SCAPER: variants seen among roughly 807,000 people sequenced by gnomAD.
SCAPER encodes the protein S-phase cyclin A associated protein in the ER.
A neutral mutation model predicts 182.2 loss-of-function variants in SCAPER; 98 were observed. That is an observed-to-expected ratio of 0.54 (90% CI 0.46 to 0.64). The LOEUF is 0.64. Ranked by LOEUF, SCAPER falls within the 30% of genes least tolerant of loss-of-function variation. The probability of loss-of-function intolerance (pLI) is 0.00; values close to 1 mark genes in which losing one functional copy is unlikely to be tolerated. For synonymous variants in SCAPER, 605 were observed against 564.6 expected, an observed-to-expected ratio of 1.07 and a Z score of -1.01; for missense variants, 1,432 against 1,690.0, an observed-to-expected ratio of 0.85 and a Z score of 2.68.
chr15:76,653,908 C>T (rs953491344), intron 21 of SCAPER, among the ~76,000 whole-genome samples: 9 of 152,054 alleles, frequency 5.9e-5, no homozygotes, highest in Middle Eastern at 6.8e-3. Flanking sequence ...AACTATCAGC[C>T]GAGCAAAGAG....
intron 15 of SCAPER, among the ~76,000 whole-genome samples, chr15:76,741,769 T>C (rs1195276355): frequency 6.6e-6 from 1 of 152,158 alleles, no homozygotes; most frequent in African/African-American, 2.4e-5. Context: ...CTAGTTATTA[T>C]TATCATTATC....
intron 5 of SCAPER, among the ~76,000 whole-genome samples, chr15:76,808,506 T>C (rs551494145): frequency 1.3e-5 from 2 of 152,274 alleles, no homozygotes; most frequent in South Asian, 4.2e-4. Context: ...AAGAGCTGCT[T>C]TTTAAACAGG....
chr15:76,627,411 C>T (rs1024431223), intron 21 of SCAPER, among the ~76,000 whole-genome samples: 1 of 152,062 alleles, frequency 6.6e-6, no homozygotes, highest in Non-Finnish European at 1.5e-5. Flanking sequence ...GCCCAGCATG[C>T]GTTAGCTATT....
Position 76,795,388 on chromosome 15 carries a change from A to G in SCAPER, c.664T>C (p.Trp222Arg). Reference sequence around the variant, plus strand: ...TGATGAGCCTTTACCTTGTCAGCCCAACTGACACCTGTGGGAGCCAGACGA... The same window carrying G: ...TGATGAGCCTTTACCTTGTCAGCCCGACTGACACCTGTGGGAGCCAGACGA... ...APRLAPTGVS[W>R]ADKVKAHHTG... Residue 222 changes from tryptophan (W) to arginine (R), a missense_variant, in exon 8 of 32, where the codon TGG becomes CGG. By Grantham distance (101) the Trp-to-Arg change is moderately radical. This residue lies in a region of SCAPER where 480 missense variants were observed against 510.2 expected (regional missense o/e 0.94). Coordinates refer to ENST00000563290, the MANE Select transcript of SCAPER (RefSeq NM_020843.4). The G allele has an allele frequency of 6.2e-7, 1 of 1,609,852 alleles. No individual in the cohort carries two copies. Among genetic ancestry groups the G allele is most frequent in the Non-Finnish European group, 8.5e-7 (1 of 1,177,362 alleles).
At chr15:76,422,931 T>G (rs1382035188) in intron 26 of SCAPER, among the ~76,000 whole-genome samples, 20 of 152,366 alleles carry the variant, frequency 1.3e-4, no homozygotes, top group Middle Eastern at 3.4e-3. Flanking sequence ...TTTATTGATT[T>G]GCATATGTTG....
At chr15:76,695,637 A>G (rs1019715550) in intron 20 of SCAPER, among the ~76,000 whole-genome samples, 1 of 152,040 alleles carries the variant, frequency 6.6e-6, no homozygotes, top group Non-Finnish European at 1.5e-5. Flanking sequence ...GTTTAATTAA[A>G]TATTTTTCCT....
intron 2 of SCAPER, among the ~76,000 whole-genome samples, chr15:76,880,680 C>G (rs1272982210): frequency 6.7e-6 from 1 of 149,412 alleles, no homozygotes; most frequent in Admixed American, 6.7e-5. Flanking sequence ...TAAAAAGAAA[C>G]GAAGATCTCT....
chr15:76,436,295 C>T (rs1013353955), intron 25 of SCAPER, among the ~76,000 whole-genome samples: 5 of 152,094 alleles, frequency 3.3e-5, no homozygotes, highest in African/African-American at 4.8e-5. Context: ...CTTGAATTCC[C>T]GACTTCAGGT....
Position 76,765,433 on chromosome 15 carries a change from T to C in SCAPER, c.1517A>G (p.Asn506Ser). ...DYEARESWRQ[N>S]TSWGDIVEEE... ...TTCTACAATGTCCCCCCAGGATGTA[T>C]TTTGGCGCCAAGACTCACGAGCTGT... The change falls in exon 13 of 32, where the codon AAT (asparagine) becomes AGT (serine). Residue 506 changes from asparagine (N) to serine (S), a missense_variant. Asn to Ser is a conservative substitution (Grantham distance 46). This residue lies in a region of SCAPER where 128 missense variants were observed against 149.9 expected (regional missense o/e 0.85). Transcript: ENST00000563290. The C allele has an allele frequency of 1.2e-6, 2 of 1,613,944 alleles. No individual in the cohort carries two copies. Among genetic ancestry groups the C allele is most frequent in the Non-Finnish European group, 1.7e-6 (2 of 1,179,842 alleles).
chr15:76,537,724 C>T (rs970307043), intron 23 of SCAPER, among the ~76,000 whole-genome samples: 17 of 152,066 alleles, frequency 1.1e-4, no homozygotes, highest in African/African-American at 3.4e-4. Context: ...AAATGGGATC[C>T]AATTAAACTA....
chr15:76,441,227 CCTT>C (rs1385751956), intron 25 of SCAPER, among the ~76,000 whole-genome samples: 6 of 152,068 alleles, frequency 3.9e-5, no homozygotes, highest in South Asian at 2.1e-4. Context: ...AGCCTATTCT[CCTT>C]CTTTTTATGC....
At chr15:76,671,406 G>A (rs752154805) in intron 20 of SCAPER, among the ~76,000 whole-genome samples, 1 of 152,058 alleles carries the variant, frequency 6.6e-6, no homozygotes, top group East Asian at 1.9e-4. Context: ...AACATAAAGA[G>A]CAATTAGATA....
At chr15:76,756,266 A>AAAAAC (rs2062426928) in intron 14 of SCAPER, among the ~76,000 whole-genome samples, 1 of 151,246 alleles carries the variant, frequency 6.6e-6, no homozygotes, top group African/African-American at 2.4e-5. Context: ...AAAAAAAAAA[A>AAAAAC]ATCATCAAAG....
At position 76,748,657 on chromosome 15, in the gene SCAPER, A is replaced by T. The variant is rs182483293; in HGVS notation, c.1866+5151T>A. On this transcript the variant is annotated intron_variant, in intron 15 of 31. Transcript: ENST00000563290. ...GAACTCGTATAACTGAACAACAAAA[A>T]GACAAACTGCCCAGGTAAAATGTGA... Among the ~76,000 whole-genome samples, 620 of 151,798 alleles carry T rather than the reference A, an allele frequency of 4.1e-3. 2 individuals are homozygous for T. The highest frequency in any genetic ancestry group is 6.2e-3 in the Non-Finnish European group (418 of 67,948).
chr15:76,858,827 G>C (rs981058710), intron 3 of SCAPER, among the ~76,000 whole-genome samples: 1 of 152,072 alleles, frequency 6.6e-6, no homozygotes, highest in African/African-American at 2.4e-5. Flanking sequence ...CTACGTAGTA[G>C]TCCATGGTGT....
Position 76,592,746 on chromosome 15 carries a change from G to T in SCAPER, c.2712-18462C>A, listed in dbSNP as rs2049218580. 1.6e-5 allele frequency among the ~76,000 whole-genome samples: 2 copies of T among 121,940 alleles called. 1 individual carries two copies. The highest frequency in any genetic ancestry group is 4.0e-5 in the Non-Finnish European group (2 of 49,976). 80.0% of individuals were successfully genotyped at this position (121,940 alleles called of 152,430 possible). ...GGGGAACTCCCTCCCCTAGCCAAGG[G>T]AAGCCTTGAGGGACTGTGCCTTGAG... On this transcript the variant is annotated intron_variant, in intron 22 of 31. Coordinates refer to ENST00000563290, the MANE Select transcript of SCAPER (RefSeq NM_020843.4).
chr15:76,770,522 C>T (rs1330859282), intron 10 of SCAPER, among the ~76,000 whole-genome samples: 1 of 151,998 alleles, frequency 6.6e-6, no homozygotes, highest in Non-Finnish European at 1.5e-5. Flanking sequence ...ACACTAATAT[C>T]CACATTAAAG....
chr15:76,843,831 T>C (rs953958802), intron 4 of SCAPER, among the ~76,000 whole-genome samples: 7 of 151,562 alleles, frequency 4.6e-5, no homozygotes, highest in Admixed American at 1.3e-4. Context: ...GGTTAACTAG[T>C]AGAGAGTTTT....
chr15:76,719,379 G>C (rs528378623), intron 17 of SCAPER, among the ~76,000 whole-genome samples: 1 of 152,060 alleles, frequency 6.6e-6, no homozygotes, highest in Non-Finnish European at 1.5e-5. Context: ...TAGTTATCAC[G>C]GGTGTGCATA....
Sources: gnomAD v4.1 joint callset for allele counts (sites outside exome capture counted in the v4.1 genomes callset) on GRCh38, gnomAD v4.1.1 for gene constraint, gnomAD v4.1.1 regional missense constraint, MANE v1.5 for transcripts, NCBI Gene and HGNC (gene_info 2026-07-23, HGNC 2026-07-21) for gene names.